DNAL1: variants seen among roughly 807,000 people sequenced by gnomAD.
DNAL1 encodes the protein dynein axonemal light chain 1, also known as chromosome 14 open reading frame 168.
In DNAL1, 17 loss-of-function variants were observed where a neutral mutation model predicts 29.4. The ratio of observed to expected loss-of-function variants is 0.58; its 90% CI spans 0.40 to 0.87. The LOEUF is 0.87. Among genes scored for constraint, DNAL1 ranks in the 40% least tolerant of loss-of-function variants. The pLI, the probability that DNAL1 is intolerant of heterozygous loss-of-function variation, is 0.00. For synonymous variants in DNAL1, 78 were observed against 76.3 expected, an observed-to-expected ratio of 1.02 and a Z score of -0.12; for missense variants, 188 against 214.1, an observed-to-expected ratio of 0.88 and a Z score of 0.76.
intron 1 of DNAL1, among the ~76,000 whole-genome samples, chr14:73,650,286 G>A (rs1891084238): frequency 6.6e-6 from 1 of 152,188 alleles, no homozygotes; most frequent in Non-Finnish European, 1.5e-5. Flanking sequence ...ACTGCACCTG[G>A]CCATTGTTTT....
At chr14:73,645,577 T>G (rs1483507079) in intron 1 of DNAL1, among the ~76,000 whole-genome samples, 1 of 152,134 alleles carries the variant, frequency 6.6e-6, no homozygotes, top group Non-Finnish European at 1.5e-5. Context: ...ATTCTCAAAT[T>G]TCAGTATGCA....
chr14:73,689,720 C>T (rs562298804), intron 7 of DNAL1, among the ~76,000 whole-genome samples: 1 of 152,196 alleles, frequency 6.6e-6, no homozygotes, highest in African/African-American at 2.4e-5. Context: ...CAAGATTCTC[C>T]CTAGACCAAA....
At chr14:73,694,980 C>T (rs542503824) in intron 7 of DNAL1, among the ~76,000 whole-genome samples, 7 of 151,088 alleles carry the variant, frequency 4.6e-5, no homozygotes, top group South Asian at 2.1e-4. Context: ...TGAGCCACCG[C>T]GCCCGGCCCA....
At position 73,700,742 on chromosome 14, in the gene DNAL1, T is replaced by C. The variant is rs1348784822; in HGVS notation, c.*4800T>C. ...AACTGCTAAATTGCATGTTACCCTT[T>C]ACTAGAAATTCATTCCTTTGGCACA... On this transcript the variant is annotated 3_prime_UTR_variant, in exon 8 of 8. Coordinates refer to ENST00000553645, the MANE Select transcript of DNAL1 (RefSeq NM_031427.4). 1.3e-5 allele frequency: 2 copies of C among 152,256 alleles called. No homozygotes were observed. The highest frequency in any genetic ancestry group is 2.9e-5 in the Non-Finnish European group (2 of 68,040). The allele number at this position is 152,256 out of a possible 1,614,324, so 9.4% of individuals were successfully genotyped here. A position where few individuals can be genotyped will look rare whatever the true frequency, so the allele number is the denominator to read the frequency against.
Position 73,698,699 on chromosome 14 carries a change from C to T in DNAL1, c.*2757C>T, listed in dbSNP as rs1263219262. Reference sequence around the variant, plus strand: ...CTTCAGATGACCTGCCCACATCGGCCTCCCAAAGTGCTGGGATTACAGGCA... The same window carrying T: ...CTTCAGATGACCTGCCCACATCGGCTTCCCAAAGTGCTGGGATTACAGGCA... On this transcript the variant is annotated 3_prime_UTR_variant, in exon 8 of 8. Transcript: ENST00000553645. 6.6e-6 allele frequency: 1 copy of T among 152,156 alleles called. No individual in the cohort carries two copies. Among genetic ancestry groups the T allele is most frequent in the Non-Finnish European group, 1.5e-5 (1 of 68,040 alleles). 9.4% of individuals were successfully genotyped at this position (152,156 alleles called of 1,614,324 possible).
intron 5 of DNAL1, chr14:73,673,199 A>G (rs1348563797): frequency 6.6e-6 from 1 of 152,226 alleles, no homozygotes; most frequent in Non-Finnish European, 1.5e-5. Flanking sequence ...ATTGTAATAC[A>G]GAAATTCAGA....
At chr14:73,646,798 A>T (rs929375886) in intron 1 of DNAL1, among the ~76,000 whole-genome samples, 1 of 152,066 alleles carries the variant, frequency 6.6e-6, no homozygotes, top group African/African-American at 2.4e-5. Flanking sequence ...AAGTTACAGT[A>T]TTACAATCTT....
At chr14:73,681,091 TTTTGTTGTTGTTGTTA>T (rs1459687806) in intron 5 of DNAL1, among the ~76,000 whole-genome samples, 1 of 140,054 alleles carries the variant, frequency 7.1e-6, no homozygotes, top group Non-Finnish European at 1.7e-5. Flanking sequence ...ACTGTAGATT[TTTTGTTGTTGTTGTTA>T]TTTGTTGTTG....
chr14:73,666,482 T>A (rs962987348), intron 4 of DNAL1, among the ~76,000 whole-genome samples: 1 of 152,212 alleles, frequency 6.6e-6, no homozygotes, highest in African/African-American at 2.4e-5. Context: ...CAGTTTTGAT[T>A]TTCATCAGGA....
chr14:73,684,348 A>G (rs1368403813), intron 5 of DNAL1, among the ~76,000 whole-genome samples: 1 of 152,056 alleles, frequency 6.6e-6, no homozygotes, highest in Non-Finnish European at 1.5e-5. Flanking sequence ...TGGTAGTTCT[A>G]TTTTTAATTT....
intron 5 of DNAL1, among the ~76,000 whole-genome samples, chr14:73,684,731 C>CA (rs982272484): frequency 5.3e-5 from 8 of 151,600 alleles, no homozygotes; most frequent in Admixed American, 4.6e-4. Context: ...CTTGTCTCTA[C>CA]AAAAAAAAAT....
chr14:73,660,265 A>G (rs988183043), intron 3 of DNAL1, among the ~76,000 whole-genome samples: 1 of 152,174 alleles, frequency 6.6e-6, no homozygotes, highest in Non-Finnish European at 1.5e-5. Flanking sequence ...GTGACTTTAA[A>G]TATCAGATCT....
In DNAL1 at chr14:73,678,157, C is replaced by T. The variant is rs114842013; in HGVS notation, c.264+6560C>T. On this transcript the variant is annotated intron_variant, in intron 5 of 7. Coordinates refer to ENST00000553645, the MANE Select transcript of DNAL1 (RefSeq NM_031427.4). ...GAGCAATCTGCCCATGTCGGCCTCC[C>T]AAAGTGCTTAGGACTACAGGCATGA... Among the ~76,000 whole-genome samples the T allele has an allele frequency of 8.0e-3, 1,222 of 152,126 alleles. 24 individuals carry two copies. The highest frequency in any genetic ancestry group is 0.028 in the African/African-American group (1,158 of 41,488).
At chr14:73,646,798 A>G (rs929375886) in intron 1 of DNAL1, among the ~76,000 whole-genome samples, 15 of 152,066 alleles carry the variant, frequency 9.9e-5, no homozygotes, top group African/African-American at 3.6e-4. Flanking sequence ...AAGTTACAGT[A>G]TTACAATCTT....
In DNAL1 at chr14:73,685,914, A is replaced by G. The variant is rs535252635; in HGVS notation, c.265-1345A>G. 8.0e-4 allele frequency among the ~76,000 whole-genome samples: 121 copies of G among 152,172 alleles called. 2 individuals carry two copies. In the Middle Eastern group the frequency reaches 0.014, roughly 17 times the overall value. Reference sequence around the variant, plus strand: ...AACATGGGCGTACCAATATCTCGAGATCCCACTTTCATTTCTTCTGAATAT... The same window carrying G: ...AACATGGGCGTACCAATATCTCGAGGTCCCACTTTCATTTCTTCTGAATAT... On this transcript the variant is annotated intron_variant, in intron 5 of 7. Coordinates refer to ENST00000553645, the MANE Select transcript of DNAL1 (RefSeq NM_031427.4).
intron 1 of DNAL1, 34 bp from the exon 2 acceptor site, chr14:73,654,813 T>C: frequency 6.6e-7 from 1 of 1,505,526 alleles, no homozygotes; most frequent in African/African-American, 1.4e-5. Flanking sequence ...TACAACTTTG[T>C]TTTTTCTTTT....
At chr14:73,684,731 CA>C (rs982272484) in intron 5 of DNAL1, among the ~76,000 whole-genome samples, 2 of 151,480 alleles carry the variant, frequency 1.3e-5, no homozygotes, top group Non-Finnish European at 2.9e-5. Flanking sequence ...CTTGTCTCTA[CA>C]AAAAAAAATT....
chr14:73,675,017 T>C (rs1466295148), intron 5 of DNAL1, among the ~76,000 whole-genome samples: 1 of 151,868 alleles, frequency 6.6e-6, no homozygotes, highest in East Asian at 1.9e-4. Context: ...GGTCTCGCCA[T>C]GTTGCCCAGG....
intron 5 of DNAL1, among the ~76,000 whole-genome samples, chr14:73,674,518 G>T (rs768628195): frequency 6.6e-6 from 1 of 152,022 alleles, no homozygotes. Flanking sequence ...CCCAATCACC[G>T]TATATCTAAA....
Sources: allele counts gnomAD v4.1 joint callset (sites outside exome capture counted in the v4.1 genomes callset), GRCh38; gene constraint gnomAD v4.1.1; transcripts MANE v1.5; gene names NCBI Gene and HGNC (gene_info 2026-07-23, HGNC 2026-07-21).